Variants in DIS3L2 observed in about 807,000 individuals in gnomAD.
DIS3L2 encodes DIS3-like exonuclease 2.
Under a neutral mutation model 97.5 loss-of-function variants are expected in DIS3L2, and 34 were observed. That is an observed-to-expected ratio of 0.35 (90% CI 0.27 to 0.46). DIS3L2 has a LOEUF of 0.46. Ranked by LOEUF, DIS3L2 falls within the 20% of genes least tolerant of loss-of-function variation. The pLI, the probability that DIS3L2 is intolerant of heterozygous loss-of-function variation, is 1.00. For missense variants in DIS3L2, 1,038 were observed against 1,146.0 expected (o/e 0.91, Z 1.36); for synonymous variants, 435 against 445.2 (o/e 0.98, Z 0.29).
At chr2:232,326,768 G>C (rs1403908615) in intron 14 of DIS3L2, among the ~76,000 whole-genome samples, 4 of 148,734 alleles carry the variant, frequency 2.7e-5, no homozygotes, top group African/African-American at 1.0e-4. Flanking sequence ...GAGAGGCTGA[G>C]ACGGCAAGGG....
intron 12 of DIS3L2, among the ~76,000 whole-genome samples, chr2:232,255,653 C>G (rs1459030499): frequency 1.3e-5 from 2 of 152,040 alleles, no homozygotes; most frequent in African/African-American, 4.8e-5. Context: ...AGTCCTTAGA[C>G]CTTAGAACCT....
chr2:232,024,130 C>T (rs1694592604), intron 3 of DIS3L2, 147 bp from the exon 4 acceptor site: 2 of 537,944 alleles, frequency 3.7e-6, no homozygotes, highest in South Asian at 5.9e-5. Context: ...ATTGTGTTTC[C>T]TGCATTTAAT....
intron 4 of DIS3L2, among the ~76,000 whole-genome samples, chr2:232,027,486 A>G (rs1345150322): frequency 6.6e-6 from 1 of 152,214 alleles, no homozygotes. Context: ...GGGATGGAGT[A>G]AATGTTGTCT....
At chr2:231,999,295 A>ATGAG (rs1171629297) in intron 1 of DIS3L2, among the ~76,000 whole-genome samples, 4 of 152,066 alleles carry the variant, frequency 2.6e-5, no homozygotes, top group African/African-American at 9.7e-5. Flanking sequence ...GCTTTTAGTG[A>ATGAG]TGAGTGGTGT....
At chr2:232,221,843 C>T (rs544747974) in intron 10 of DIS3L2, among the ~76,000 whole-genome samples, 1 of 152,246 alleles carries the variant, frequency 6.6e-6, no homozygotes, top group South Asian at 2.1e-4. Context: ...CAATTTTCTG[C>T]TTGGATACAT....
chr2:232,235,203 C>T (rs931506655), intron 10 of DIS3L2, among the ~76,000 whole-genome samples: 15 of 152,226 alleles, frequency 9.9e-5, no homozygotes, highest in Non-Finnish European at 1.8e-4. Flanking sequence ...GGCTCACCTA[C>T]TCCCTGGCAG....
intron 8 of DIS3L2, among the ~76,000 whole-genome samples, chr2:232,158,733 G>T (rs1466359747): frequency 6.6e-6 from 1 of 152,134 alleles, no homozygotes; most frequent in East Asian, 1.9e-4. Flanking sequence ...GACAGTTAAA[G>T]ACATTGATAT....
At chr2:231,996,115 G>T (rs1693724040) in intron 1 of DIS3L2, among the ~76,000 whole-genome samples, 1 of 152,226 alleles carries the variant, frequency 6.6e-6, no homozygotes, top group African/African-American at 2.4e-5. Flanking sequence ...CTAAGATCAA[G>T]ACTGAAAATT....
At chr2:232,202,296 G>A (rs1256812167) in intron 9 of DIS3L2, among the ~76,000 whole-genome samples, 1 of 152,190 alleles carries the variant, frequency 6.6e-6, no homozygotes, top group East Asian at 1.9e-4. Context: ...TACTTGGGAG[G>A]CTGTGGCAGG....
exon 14 of DIS3L2, chr2:232,343,412 A>C: frequency 6.4e-7 from 1 of 1,556,036 alleles, no homozygotes; most frequent in Non-Finnish European, 8.7e-7. Flanking sequence ...GAAGATGCAG[A>C]AGCACAGCCC....
chr2:232,240,348 G>C (rs1277401552), intron 11 of DIS3L2, among the ~76,000 whole-genome samples: 3 of 152,174 alleles, frequency 2.0e-5, no homozygotes, highest in African/African-American at 7.2e-5. Context: ...CGTGTTTTCT[G>C]CCATCCCAGA....
intron 9 of DIS3L2, among the ~76,000 whole-genome samples, chr2:232,196,121 T>G (rs899899239): frequency 3.3e-5 from 5 of 152,030 alleles, no homozygotes; most frequent in African/African-American, 7.2e-5. Flanking sequence ...TTTATACTAT[T>G]ATACAGGGTC....
At chr2:232,187,552 C>T (rs1000595071) in intron 9 of DIS3L2, among the ~76,000 whole-genome samples, 10 of 152,116 alleles carry the variant, frequency 6.6e-5, no homozygotes, top group African/African-American at 2.4e-4. Context: ...AAGCGATTCT[C>T]CTGCCTCAGC....
chr2:232,166,115 T>TAAAAAAAA (rs1553612625), intron 9 of DIS3L2, among the ~76,000 whole-genome samples: 2 of 141,230 alleles, frequency 1.4e-5, no homozygotes, highest in Non-Finnish European at 3.1e-5. Context: ...AATAAATAAA[T>TAAAAAAAA]AAAATATTAG....
chr2:232,218,941 C>T (rs1692422049), intron 10 of DIS3L2, among the ~76,000 whole-genome samples: 1 of 152,190 alleles, frequency 6.6e-6, no homozygotes, highest in Admixed American at 6.5e-5. Flanking sequence ...TCTCCTGCCA[C>T]CCCACTTCCC....
At chr2:232,112,542 C>G (rs1223353375) in intron 6 of DIS3L2, among the ~76,000 whole-genome samples, 3 of 152,176 alleles carry the variant, frequency 2.0e-5, no homozygotes, top group East Asian at 3.8e-4. Flanking sequence ...TAAATACAGT[C>G]TGCTCTTGTC....
chr2:232,001,734 T>C (rs899846627), intron 1 of DIS3L2, among the ~76,000 whole-genome samples: 4 of 147,140 alleles, frequency 2.7e-5, no homozygotes, highest in African/African-American at 9.9e-5. Flanking sequence ...TTTTTTTTTT[T>C]TTTGAGATGG....
intron 3 of DIS3L2, among the ~76,000 whole-genome samples, chr2:232,017,448 G>A (rs976488020): frequency 1.3e-5 from 2 of 152,046 alleles, no homozygotes; most frequent in Non-Finnish European, 2.9e-5. Flanking sequence ...ATTTGACAAG[G>A]CCTCTCTTAG....
intron 10 of DIS3L2, among the ~76,000 whole-genome samples, chr2:232,229,724 TG>T (rs1166019419): frequency 6.6e-6 from 1 of 152,250 alleles, no homozygotes. Flanking sequence ...AATTGCTGTG[TG>T]GGCAGTTTAG....
Sources: allele counts gnomAD v4.1 joint callset (sites outside exome capture counted in the v4.1 genomes callset), GRCh38; gene constraint gnomAD v4.1.1; transcripts MANE v1.5; gene names NCBI Gene and HGNC (gene_info 2026-07-23, HGNC 2026-07-21).